Variants in ILDR1 observed in about 807,000 individuals in gnomAD.
The protein encoded by ILDR1 is immunoglobulin-like domain-containing receptor 1.
A neutral mutation model predicts 62.4 loss-of-function variants in ILDR1; 56 were observed. The ratio of observed to expected loss-of-function variants is 0.90; its 90% confidence interval spans 0.72 to 1.12. The LOEUF is 1.12. ILDR1 is among the 50% of genes most tolerant of loss of function. The probability of loss-of-function intolerance (pLI) is 0.00; values close to 1 mark genes in which losing one functional copy is unlikely to be tolerated. For synonymous variants in ILDR1, 284 were observed against 277.8 expected (o/e 1.02, Z -0.22); for missense variants, 736 against 710.6 (o/e 1.04, Z -0.41).
the ILDR1 span, among the ~76,000 whole-genome samples, chr3:122,044,959 G>A: frequency 2.1e-3 from 310 of 148,452 alleles, 1 homozygote; most frequent in Non-Finnish European, 3.9e-3. Context: ...CCTTCTGCTA[G>A]CTTTTGAATG....
At chr3:121,999,401 C>T (rs957021938) in intron 5 of ILDR1, among the ~76,000 whole-genome samples, 2 of 152,146 alleles carry the variant, frequency 1.3e-5, no homozygotes, top group African/African-American at 4.8e-5. Context: ...TGGTGCTATT[C>T]CATCTATTTG....
At chr3:122,057,189 T>C in the ILDR1 span, among the ~76,000 whole-genome samples, 3 of 152,216 alleles carry the variant, frequency 2.0e-5, no homozygotes, top group Non-Finnish European at 4.4e-5. Context: ...AATAATCTAG[T>C]GATACATATC....
At chr3:122,008,588 CTTTTCTTTTTTTTT>C (rs2071651742) in intron 1 of ILDR1, among the ~76,000 whole-genome samples, 1 of 66,448 alleles carries the variant, frequency 1.5e-5, no homozygotes. Flanking sequence ...CTTTTCTTTT[CTTTTCTTTTTTTTT>C]TTTTTTTTTG....
chr3:122,003,330 C>T (rs1354626732), intron 3 of ILDR1, among the ~76,000 whole-genome samples: 1 of 152,206 alleles, frequency 6.6e-6, no homozygotes, highest in African/African-American at 2.4e-5. Flanking sequence ...GTTTCCTTCT[C>T]TTTCTACGTC....
the ILDR1 span, among the ~76,000 whole-genome samples, chr3:122,059,133 C>G: frequency 1.3e-5 from 2 of 151,932 alleles, no homozygotes; most frequent in African/African-American, 4.8e-5. Context: ...TCCAAGCAGA[C>G]AAGTAGATAT....
chr3:122,046,457 C>T, the ILDR1 span, among the ~76,000 whole-genome samples: 24 of 139,914 alleles, frequency 1.7e-4, no homozygotes, highest in African/African-American at 2.9e-4. Flanking sequence ...TGAATCTGAA[C>T]GTTGGCCTGC....
At chr3:122,035,210 G>T in the ILDR1 span, among the ~76,000 whole-genome samples, 1 of 152,232 alleles carries the variant, frequency 6.6e-6, no homozygotes, top group Non-Finnish European at 1.5e-5. Context: ...CGTTCTTAGG[G>T]TGCTTGTGGC....
At chr3:122,040,109 T>C in the ILDR1 span, among the ~76,000 whole-genome samples, 1 of 151,998 alleles carries the variant, frequency 6.6e-6, no homozygotes, top group Non-Finnish European at 1.5e-5. Context: ...TTCACATACA[T>C]GAAAGATTTT....
intron 7 of ILDR1, among the ~76,000 whole-genome samples, chr3:121,989,800 G>A (rs906660783): frequency 4.6e-4 from 70 of 152,148 alleles, no homozygotes; most frequent in Middle Eastern, 3.4e-3. Flanking sequence ...GTAACATATC[G>A]TTCCTATCTA....
intron 1 of ILDR1, among the ~76,000 whole-genome samples, chr3:122,015,363 T>C (rs2071762214): frequency 6.6e-6 from 1 of 152,228 alleles, no homozygotes; most frequent in Admixed American, 6.5e-5. Flanking sequence ...GGAATCATCC[T>C]GGTATCTTTT....
chr3:122,017,157 T>C (rs1414458570), intron 1 of ILDR1, among the ~76,000 whole-genome samples: 1 of 152,190 alleles, frequency 6.6e-6, no homozygotes, highest in Non-Finnish European at 1.5e-5. Flanking sequence ...CAATTGATTC[T>C]CCTGCCTCAG....
chr3:121,993,078 G>T, intron 7 of ILDR1, 72 bp downstream of exon 7: 1 of 1,240,042 alleles, frequency 8.1e-7, no homozygotes, highest in Non-Finnish European at 1.2e-6. Context: ...AGCCTGTGTT[G>T]GCTGTGGTCA....
chr3:121,993,364 C>G lies in ILDR1; in HGVS notation c.1385G>C (p.Arg462Pro), dbSNP rs200630651. The G allele has an allele frequency of 2.5e-6, 4 of 1,610,130 alleles. No individual in the cohort carries two copies. The South Asian group carries it at 3.3e-5, about 13-fold the overall frequency. ...AGGAGAGTAGCTGCGGTGCCTGCGT[C>G]GTCTCCCGTGCCTCTGAGTGCTCTC... ...PRESTQRHGR[R>P]RRHRSYSPPL... The change falls in exon 7 of 8, where the codon CGA (arginine) becomes CCA (proline). Residue 462 changes from arginine to proline, a missense_variant. By Grantham distance (103) the Arg-to-Pro change is moderately radical (BLOSUM62 -2). Coordinates refer to ENST00000344209, the MANE Select transcript of ILDR1 (RefSeq NM_001199799.2).
the ILDR1 span, among the ~76,000 whole-genome samples, chr3:122,051,334 C>CT: frequency 6.6e-6 from 1 of 152,006 alleles, no homozygotes; most frequent in East Asian, 1.9e-4. Flanking sequence ...TTTATTGTTC[C>CT]TTTTTGCTCC....
the ILDR1 span, among the ~76,000 whole-genome samples, chr3:122,027,472 G>T: frequency 6.6e-6 from 1 of 152,222 alleles, no homozygotes; most frequent in Non-Finnish European, 1.5e-5. Context: ...TTACAGGAGT[G>T]AGCCACTGCG....
In ILDR1 at chr3:122,001,432, G is replaced by A; in HGVS notation, c.522C>T (p.Ile174=). The A allele has an allele frequency of 2.5e-6, 4 of 1,614,148 alleles. No homozygotes were observed. Among genetic ancestry groups the A allele is most frequent in the Middle Eastern group, 1.6e-4 (1 of 6,062 alleles). Residue 174 remains isoleucine (I), a synonymous_variant, in exon 5 of 8, where the codon ATC becomes ATT. Transcript: ENST00000344209. ...IVLHWLTVIF[I]ILGALLLLLL... is the part of the protein sequence containing the mutation. ...GCAGGAGGAGGAGGGCTCCCAGGATGATGAAGATCACTGTCAGCCAGTCTG... is the reference window on the plus strand; with the variant it reads ...GCAGGAGGAGGAGGGCTCCCAGGATAATGAAGATCACTGTCAGCCAGTCTG...
chr3:121,996,188 C>T (rs1360122904), intron 5 of ILDR1, among the ~76,000 whole-genome samples: 2 of 152,190 alleles, frequency 1.3e-5, no homozygotes, highest in Non-Finnish European at 2.9e-5. Context: ...TTAGCCACTC[C>T]TCCTGCTTCC....
the ILDR1 span, chr3:122,055,593 C>A: frequency 8.3e-7 from 1 of 1,199,320 alleles, no homozygotes; most frequent in Non-Finnish European, 1.2e-6. Flanking sequence ...TGATGTGTGT[C>A]CTTCACTTAG....
intron 1 of ILDR1, among the ~76,000 whole-genome samples, chr3:122,017,408 G>A (rs1234350841): frequency 3.3e-5 from 5 of 152,150 alleles, no homozygotes; most frequent in African/African-American, 1.2e-4. Flanking sequence ...TTCAGATAAT[G>A]AAATAAATTA....
Sources: allele counts gnomAD v4.1 joint callset (sites outside exome capture counted in the v4.1 genomes callset), GRCh38; gene constraint gnomAD v4.1.1; transcripts MANE v1.5; gene names NCBI Gene and HGNC (gene_info 2026-07-23, HGNC 2026-07-21).